The following MACROD2 variants were observed in gnomAD, a reference collection of about 807,000 sequenced individuals.
The protein encoded by MACROD2 is ADP-ribose glycohydrolase MACROD2.
Under a neutral mutation model 70.4 loss-of-function variants are expected in MACROD2, and 36 were observed. The ratio of observed to expected loss-of-function variants is 0.51; its 90% CI spans 0.39 to 0.68. The LOEUF (loss-of-function observed/expected upper bound fraction) is 0.68, where lower values mean the gene tolerates loss of function less well. Ranked by LOEUF, MACROD2 falls within the 30% of genes least tolerant of loss-of-function variation. The pLI, the probability that MACROD2 is intolerant of heterozygous loss-of-function variation, is 0.00. For missense variants in MACROD2, 496 were observed against 538.4 expected (o/e 0.92, Z 0.78); for synonymous variants, 172 against 178.8 (o/e 0.96, Z 0.30).
intron 2 of MACROD2, among the ~76,000 whole-genome samples, chr20:14,031,434 T>G (rs924577419): frequency 2.0e-4 from 31 of 152,312 alleles, no homozygotes; most frequent in African/African-American, 7.2e-4. Context: ...ACTCAGTAAT[T>G]GTTTCTTAAA....
chr20:15,136,727 T>G (rs2076150959), intron 5 of MACROD2, among the ~76,000 whole-genome samples: 1 of 151,910 alleles, frequency 6.6e-6, no homozygotes, highest in Non-Finnish European at 1.5e-5. Flanking sequence ...CTAATTAAAC[T>G]AAAGAGCTTC....
chr20:14,164,261 G>A (rs1440148199), intron 3 of MACROD2, among the ~76,000 whole-genome samples: 1 of 152,186 alleles, frequency 6.6e-6, no homozygotes, highest in Non-Finnish European at 1.5e-5. Flanking sequence ...GGGTGTGATT[G>A]TTAATGGAAG....
At chr20:14,922,087 A>T (rs974626196) in intron 5 of MACROD2, among the ~76,000 whole-genome samples, 2 of 152,176 alleles carry the variant, frequency 1.3e-5, no homozygotes, top group African/African-American at 4.8e-5. Flanking sequence ...AGCAATTTCT[A>T]TGATGACCCG....
intron 3 of MACROD2, among the ~76,000 whole-genome samples, chr20:14,464,224 T>C (rs1277117382): frequency 6.6e-6 from 1 of 152,062 alleles, no homozygotes; most frequent in Non-Finnish European, 1.5e-5. Flanking sequence ...CTGTTATTGG[T>C]CTATTCAGAG....
At chr20:15,020,808 T>A (rs773476342) in intron 5 of MACROD2, among the ~76,000 whole-genome samples, 10 of 151,914 alleles carry the variant, frequency 6.6e-5, no homozygotes, top group Admixed American at 2.0e-4. Context: ...TACAGTATTA[T>A]AATCTTATAA....
chr20:16,046,725 G>A (rs2067387685), intron 17 of MACROD2, among the ~76,000 whole-genome samples: 1 of 141,624 alleles, frequency 7.1e-6, no homozygotes, highest in African/African-American at 2.7e-5. Flanking sequence ...CTGTCACCCG[G>A]GCTACAGTGT....
chr20:14,742,339 A>G (rs1376029806), intron 5 of MACROD2, among the ~76,000 whole-genome samples: 1 of 152,110 alleles, frequency 6.6e-6, no homozygotes, highest in Non-Finnish European at 1.5e-5. Flanking sequence ...AAGTTTTAAT[A>G]ATTTTAAAAA....
At chr20:15,335,535 A>AT (rs1488330641) in intron 6 of MACROD2, among the ~76,000 whole-genome samples, 1 of 151,222 alleles carries the variant, frequency 6.6e-6, no homozygotes, top group African/African-American at 2.5e-5. Context: ...TAATTCTGTG[A>AT]TTTTAAGTCT....
At chr20:15,429,327 A>G (rs564091412) in intron 6 of MACROD2, among the ~76,000 whole-genome samples, 7 of 152,114 alleles carry the variant, frequency 4.6e-5, no homozygotes, top group Non-Finnish European at 8.8e-5. Flanking sequence ...CAAAGCATTG[A>G]CTCATAAATT....
At chr20:15,575,882 T>C (rs570399070) in intron 8 of MACROD2, among the ~76,000 whole-genome samples, 23 of 152,176 alleles carry the variant, frequency 1.5e-4, no homozygotes, top group Non-Finnish European at 2.8e-4. Context: ...TATTGTTGAC[T>C]TCTTAGAAGA....
intron 4 of MACROD2, among the ~76,000 whole-genome samples, chr20:14,628,390 C>T (rs999688556): frequency 6.6e-6 from 1 of 151,754 alleles, no homozygotes; most frequent in Non-Finnish European, 1.5e-5. Context: ...TAGCAGAGGA[C>T]ATGAAAAAAA....
At chr20:15,797,221 C>G (rs1413568959) in intron 8 of MACROD2, among the ~76,000 whole-genome samples, 1 of 152,136 alleles carries the variant, frequency 6.6e-6, no homozygotes, top group Non-Finnish European at 1.5e-5. Flanking sequence ...TCACGCCATT[C>G]TCCTGCCTCA....
intron 2 of MACROD2, among the ~76,000 whole-genome samples, chr20:14,003,012 CATA>C (rs2052755396): frequency 6.6e-6 from 1 of 152,074 alleles, no homozygotes; most frequent in Non-Finnish European, 1.5e-5. Context: ...CTAAAAACAA[CATA>C]ATAGATTTAA....
intron 2 of MACROD2, among the ~76,000 whole-genome samples, chr20:14,066,867 A>C (rs182653117): frequency 1.8e-3 from 247 of 135,220 alleles, no homozygotes; most frequent in African/African-American, 6.6e-3. Context: ...GCTGGAGAGC[A>C]GTGGCGCCGT....
intron 15 of MACROD2, among the ~76,000 whole-genome samples, chr20:16,002,041 CTT>C (rs33948075): frequency 0.25 from 37,608 of 150,086 alleles, 4,686 homozygotes; most frequent in South Asian, 0.35. Context: ...TATAATGTGT[CTT>C]ATATATATAT....
chr20:15,206,721 G>GGTTTTTTTTTTTTTTT (rs2076706978), intron 5 of MACROD2, among the ~76,000 whole-genome samples: 1 of 32,990 alleles, frequency 3.0e-5, no homozygotes, highest in Non-Finnish European at 5.1e-5. Context: ...TATTATCTAT[G>GGTTTTTTTTTTTTTTT]TTTTTTTTTT....
chr20:14,358,628 T>G (rs1053927549), intron 3 of MACROD2, among the ~76,000 whole-genome samples: 1 of 152,008 alleles, frequency 6.6e-6, no homozygotes, highest in African/African-American at 2.4e-5. Flanking sequence ...GGCTAATTTT[T>G]TGTATTTTTG....
intron 11 of MACROD2, among the ~76,000 whole-genome samples, chr20:15,933,543 A>G (rs1396686085): frequency 6.6e-6 from 1 of 152,162 alleles, no homozygotes; most frequent in Non-Finnish European, 1.5e-5. Flanking sequence ...CTCACATCTC[A>G]TTCACCAATT....
chr20:15,148,631 G>A lies in MACROD2; in HGVS notation c.419-81309G>A, dbSNP rs146984143. Among the ~76,000 whole-genome samples the A allele has an allele frequency of 2.1e-3, 323 of 152,024 alleles. 5 individuals are homozygous for A. Among genetic ancestry groups the A allele is most frequent in the African/African-American group, 7.2e-3 (298 of 41,372 alleles). On this transcript the variant is annotated intron_variant, in intron 5 of 17. Transcript: ENST00000684519. The stretch of plus-strand genomic sequence containing the variant: ...GCACAGATGACAAGTTTTTTGGGGC[G>A]CAGTCCAAGTTGGTCTGGTGTCTGG...
Sources: gnomAD v4.1 joint callset for allele counts (sites outside exome capture counted in the v4.1 genomes callset) on GRCh38, gnomAD v4.1.1 for gene constraint, MANE v1.5 for transcripts, NCBI Gene and HGNC (gene_info 2026-07-23, HGNC 2026-07-21) for gene names.